Variants in TRIO observed in about 807,000 individuals in gnomAD.
The protein encoded by TRIO is trio Rho guanine nucleotide exchange factor, also known as triple functional domain protein.
A neutral mutation model predicts 351.9 loss-of-function variants in TRIO; 58 were observed. The observed-to-expected ratio is 0.16, with a 90% confidence interval of 0.13 to 0.21. The LOEUF (loss-of-function observed/expected upper bound fraction) is 0.21, where lower values mean the gene tolerates loss of function less well. Ranked by LOEUF, TRIO falls within the 10% of genes least tolerant of loss-of-function variation. The probability of loss-of-function intolerance (pLI) is 1.00; values close to 1 mark genes in which losing one functional copy is unlikely to be tolerated. For synonymous variants in TRIO, 1,758 were observed against 1,595.7 expected, an observed-to-expected ratio of 1.10 and a Z score of -2.42; for missense variants, 3,201 against 4,027.8, an observed-to-expected ratio of 0.79 and a Z score of 5.56.
chr5:14,394,300 TAAATG>T (rs1291161612), intron 28 of TRIO, among the ~76,000 whole-genome samples, 170 bp downstream of exon 28: 1 of 152,210 alleles, frequency 6.6e-6, no homozygotes, highest in African/African-American at 2.4e-5. Context: ...TTGCAGGAGT[TAAATG>T]AGAGTGTGTG....
intron 13 of TRIO, 112 bp from the exon 14 acceptor site, chr5:14,363,620 T>G: frequency 1.0e-6 from 1 of 966,892 alleles, no homozygotes; most frequent in Non-Finnish European, 1.5e-6. Context: ...CTTAAGTGTT[T>G]GACGTCTCTG....
intron 1 of TRIO, among the ~76,000 whole-genome samples, chr5:14,254,579 A>G (rs1180123891): frequency 2.0e-5 from 3 of 152,124 alleles, no homozygotes; most frequent in East Asian, 1.9e-4. Context: ...TGGCCAGGCC[A>G]TCTTTCTACC....
At chr5:14,466,624 C>T (rs112859207) in intron 37 of TRIO, among the ~76,000 whole-genome samples, 19 of 152,194 alleles carry the variant, frequency 1.2e-4, no homozygotes, top group African/African-American at 4.6e-4. Context: ...ATAAAGACAA[C>T]GTCTTTTAAA....
intron 36 of TRIO, 104 bp downstream of exon 36, chr5:14,463,029 A>G: frequency 7.2e-7 from 1 of 1,380,432 alleles, no homozygotes; most frequent in Non-Finnish European, 9.5e-7. Context: ...AGGAGGCCCC[A>G]AGATGTGGAA....
intron 34 of TRIO, among the ~76,000 whole-genome samples, chr5:14,423,281 C>G (rs1003955887): frequency 7.2e-5 from 11 of 152,216 alleles, no homozygotes; most frequent in African/African-American, 1.2e-4. Context: ...CTTCTGCATT[C>G]TGGGCTGAGG....
chr5:14,375,878 A>C (rs958871679), intron 19 of TRIO, among the ~76,000 whole-genome samples: 3 of 152,218 alleles, frequency 2.0e-5, no homozygotes, highest in African/African-American at 4.8e-5. Context: ...TCAGATTTCA[A>C]AGTTTTAATT....
intron 9 of TRIO, among the ~76,000 whole-genome samples, chr5:14,318,843 A>G (rs1739614231): frequency 6.6e-6 from 1 of 152,228 alleles, no homozygotes; most frequent in South Asian, 2.1e-4. Flanking sequence ...GCATAATTCC[A>G]CATCCGTGGA....
chr5:14,299,923 G>A (rs746423860), intron 7 of TRIO, among the ~76,000 whole-genome samples: 6 of 152,218 alleles, frequency 3.9e-5, no homozygotes, highest in Admixed American at 6.5e-5. Flanking sequence ...CATGGGTGGT[G>A]GTGTGCTAGC....
intron 1 of TRIO, among the ~76,000 whole-genome samples, chr5:14,197,038 A>G (rs932472686): frequency 9.2e-5 from 14 of 152,202 alleles, no homozygotes; most frequent in African/African-American, 3.4e-4. Context: ...CTATACTTGT[A>G]AAAAACATCG....
chr5:14,397,955 G>A (rs1182382114), intron 29 of TRIO, among the ~76,000 whole-genome samples: 10 of 152,278 alleles, frequency 6.6e-5, no homozygotes, highest in African/African-American at 2.4e-4. Context: ...GGTCCAGGGT[G>A]TTTCAAGACC....
In TRIO at chr5:14,364,642, G is replaced by A; in HGVS notation, c.2588-8G>A. On this transcript the variant is annotated splice_region_variant and splice_polypyrimidine_tract_variant and intron_variant, in intron 14 of 56. Coordinates refer to ENST00000344204, the MANE Select transcript of TRIO (RefSeq NM_007118.4). The stretch of plus-strand genomic sequence containing the variant: ...CTGAATTCTAGGGTCTCCCTTTAAT[G>A]TCCACAGGTGTGGAGCTGCTGTGTG... 3.1e-6 allele frequency: 5 copies of A among 1,609,232 alleles called. No individual in the cohort carries two copies. The highest frequency in any genetic ancestry group is 1.3e-5 in the African/African-American group (1 of 74,768).
chr5:14,403,727 A>G (rs1275421741), intron 31 of TRIO, among the ~76,000 whole-genome samples: 2 of 59,486 alleles, frequency 3.4e-5, no homozygotes, highest in Non-Finnish European at 6.7e-5. Context: ...GGTTGTGGTG[A>G]GGGTGCAGGT....
intron 13 of TRIO, among the ~76,000 whole-genome samples, chr5:14,360,014 TTCTC>T (rs1307805344): frequency 6.6e-6 from 1 of 151,976 alleles, no homozygotes; most frequent in Non-Finnish European, 1.5e-5. Flanking sequence ...TCTCTCCACC[TTCTC>T]TCTCTCCTAC....
intron 39 of TRIO, 30 bp downstream of exon 39, chr5:14,472,688 G>C (rs376888872): frequency 5.6e-6 from 9 of 1,610,950 alleles, no homozygotes; most frequent in Non-Finnish European, 7.6e-6. Flanking sequence ...TAGTATCTTC[G>C]TATCAGTTCC....
intron 1 of TRIO, among the ~76,000 whole-genome samples, chr5:14,234,602 G>A (rs970891588): frequency 6.6e-6 from 1 of 152,146 alleles, no homozygotes; most frequent in African/African-American, 2.4e-5. Flanking sequence ...TTCATATTTG[G>A]TGTAGTAAAG....
intron 33 of TRIO, among the ~76,000 whole-genome samples, chr5:14,415,707 T>C (rs187190): frequency 0.52 from 79,691 of 152,064 alleles, 24,145 homozygotes; most frequent in African/African-American, 0.84. Context: ...TTCAGTCATT[T>C]TGGAAAGAAT....
intron 1 of TRIO, 41 bp downstream of exon 1, chr5:14,143,923 C>G: frequency 2.9e-6 from 3 of 1,050,798 alleles, no homozygotes; most frequent in Non-Finnish European, 3.4e-6. Context: ...GGCGCTGCCC[C>G]AAGCGCTCGG....
At position 14,390,315 on chromosome 5, in the gene TRIO, A is replaced by G; in HGVS notation, c.4128+15A>G. ...TTGTTACTTGGGTAATGAAACCTCA[A>G]CCATTTGTTCTCTCCCAGCTATTAG... is the stretch of plus-strand genomic sequence containing the variant. On this transcript the variant is annotated intron_variant, in intron 26 of 56. Transcript: ENST00000344204. 2 of 1,613,178 alleles carry G rather than the reference A, an allele frequency of 1.2e-6. No individual in the cohort carries two copies. Among genetic ancestry groups the G allele is most frequent in the Non-Finnish European group, 1.7e-6 (2 of 1,179,502 alleles).
intron 34 of TRIO, among the ~76,000 whole-genome samples, chr5:14,453,145 A>G (rs1257152042): frequency 6.6e-6 from 1 of 152,036 alleles, no homozygotes; most frequent in Non-Finnish European, 1.5e-5. Context: ...GAAGCCATCT[A>G]TGTAAGGATT....
Sources: allele counts gnomAD v4.1 joint callset (sites outside exome capture counted in the v4.1 genomes callset), GRCh38; gene constraint gnomAD v4.1.1; transcripts MANE v1.5; gene names NCBI Gene and HGNC (gene_info 2026-07-23, HGNC 2026-07-21).